The following PTPRG variants were observed in gnomAD, a reference collection of about 807,000 sequenced individuals.
PTPRG encodes receptor-type tyrosine-protein phosphatase gamma.
A neutral mutation model predicts 165.3 loss-of-function variants in PTPRG; 102 were observed. The ratio of observed to expected loss-of-function variants is 0.62; its 90% CI spans 0.53 to 0.73. The LOEUF (loss-of-function observed/expected upper bound fraction) is 0.73, where lower values mean the gene tolerates loss of function less well. Among genes scored for constraint, PTPRG ranks in the 30% least tolerant of loss-of-function variants. The probability of loss-of-function intolerance (pLI) is 0.00; values close to 1 mark genes in which losing one functional copy is unlikely to be tolerated. For missense variants in PTPRG, 1,866 were observed against 1,861.4 expected (o/e 1.00, Z -0.05); for synonymous variants, 675 against 669.5 (o/e 1.01, Z -0.13).
chr3:62,034,054 C>T (rs1423121157), intron 4 of PTPRG, among the ~76,000 whole-genome samples: 1 of 152,202 alleles, frequency 6.6e-6, no homozygotes, highest in Non-Finnish European at 1.5e-5. Context: ...GCATGAGCCA[C>T]TGAGCCCGGC....
chr3:61,758,585 G>A (rs1011638996), intron 2 of PTPRG, among the ~76,000 whole-genome samples: 5 of 152,074 alleles, frequency 3.3e-5, no homozygotes, highest in Non-Finnish European at 7.4e-5. Flanking sequence ...CTGAGTAGCT[G>A]GGACTACAGG....
At chr3:61,620,399 G>A (rs879775966) in intron 1 of PTPRG, among the ~76,000 whole-genome samples, 7 of 152,208 alleles carry the variant, frequency 4.6e-5, no homozygotes, top group Non-Finnish European at 8.8e-5. Context: ...TGAATTTGCA[G>A]AGGGAAAATG....
intron 2 of PTPRG, among the ~76,000 whole-genome samples, chr3:61,757,818 T>C (rs548867063): frequency 2.0e-5 from 3 of 152,200 alleles, no homozygotes; most frequent in Non-Finnish European, 4.4e-5. Context: ...AAAAGGACAA[T>C]GTTCTCTTCT....
chr3:62,255,687 T>C lies in PTPRG; in HGVS notation c.2559+472T>C, dbSNP rs932592039. ...TCTCGGATCCCCAGTTTTCCCATTT[T>C]TGAAAAATGGCACCAATGTCACCTA... On this transcript the variant is annotated intron_variant, in intron 16 of 29. Transcript: ENST00000474889. This position sits in a 1 kb window ranked among gnomAD's most constrained non-coding sequence, Gnocchi z 4.0. Among the ~76,000 whole-genome samples the C allele has an allele frequency of 5.9e-5, 9 of 152,168 alleles. No individual in the cohort carries two copies. The highest frequency in any genetic ancestry group is 1.9e-4 in the African/African-American group (8 of 41,442).
At chr3:61,784,544 C>G (rs893640868) in intron 2 of PTPRG, among the ~76,000 whole-genome samples, 4 of 152,130 alleles carry the variant, frequency 2.6e-5, no homozygotes, top group Non-Finnish European at 4.4e-5. Context: ...CAGCTGACAT[C>G]TGTGTTTCAC....
intron 4 of PTPRG, among the ~76,000 whole-genome samples, chr3:62,036,987 A>ACACACACG (rs1388438900): frequency 2.6e-5 from 3 of 114,804 alleles, no homozygotes; most frequent in African/African-American, 9.9e-5. Context: ...GCGCACGCAC[A>ACACACACG]CACACACACA....
intron 28 of PTPRG, among the ~76,000 whole-genome samples, chr3:62,285,527 G>T (rs1054916049): frequency 2.2e-5 from 3 of 135,484 alleles, no homozygotes; most frequent in East Asian, 4.7e-4. Context: ...TGGTTGTTGG[G>T]GGGGGGGGGT....
intron 1 of PTPRG, among the ~76,000 whole-genome samples, chr3:61,680,512 A>AAC (rs1559554492): frequency 1.4e-5 from 2 of 146,756 alleles, no homozygotes; most frequent in Non-Finnish European, 3.0e-5. Context: ...AAAAAAAAAA[A>AAC]AAAAAACACA....
intron 2 of PTPRG, among the ~76,000 whole-genome samples, chr3:61,875,746 C>T (rs1051930571): frequency 3.9e-5 from 6 of 152,104 alleles, no homozygotes; most frequent in Admixed American, 2.6e-4. Context: ...CATCATTTCT[C>T]GCAGAGATGT....
intron 4 of PTPRG, among the ~76,000 whole-genome samples, chr3:62,028,175 C>G (rs991918495): frequency 2.6e-5 from 4 of 152,118 alleles, no homozygotes; most frequent in African/African-American, 7.2e-5. Context: ...AAAGGAGAGC[C>G]ACTTTTAAAG....
intron 2 of PTPRG, among the ~76,000 whole-genome samples, chr3:61,881,608 G>T (rs1225371727): frequency 6.6e-6 from 1 of 152,192 alleles, no homozygotes; most frequent in East Asian, 1.9e-4. Context: ...GTAATACAGT[G>T]AATGTGATAA....
At chr3:62,107,358 C>T (rs534184987) in intron 5 of PTPRG, among the ~76,000 whole-genome samples, 1 of 152,292 alleles carries the variant, frequency 6.6e-6, no homozygotes, top group Non-Finnish European at 1.5e-5. Flanking sequence ...AGCTTCTGGG[C>T]TATTAAAGAT....
chr3:62,198,837 T>G (rs1303250164), intron 10 of PTPRG, among the ~76,000 whole-genome samples: 1 of 152,216 alleles, frequency 6.6e-6, no homozygotes, highest in Non-Finnish European at 1.5e-5. Flanking sequence ...GTCCTGCGAA[T>G]GCAGTTGAGA....
At chr3:62,157,358 C>G (rs775905955) in intron 7 of PTPRG, 134 bp downstream of exon 7, 10 of 930,576 alleles carry the variant, frequency 1.1e-5, no homozygotes, top group Non-Finnish European at 1.5e-5. Flanking sequence ...TGCAGTCTTT[C>G]CCACAAACAT....
At chr3:62,207,093 G>A (rs1330489592) in intron 12 of PTPRG, among the ~76,000 whole-genome samples, 2 of 152,074 alleles carry the variant, frequency 1.3e-5, no homozygotes, top group African/African-American at 4.8e-5. Flanking sequence ...GATTGTTTAA[G>A]CCAGATATAA....
intron 16 of PTPRG, among the ~76,000 whole-genome samples, chr3:62,258,373 G>C (rs1701598687): frequency 1.3e-5 from 2 of 152,172 alleles, no homozygotes; most frequent in South Asian, 4.1e-4. Context: ...CCCTCAAAGA[G>C]TTCAATCTGG....
At chr3:61,688,179 T>C (rs1703702084) in intron 1 of PTPRG, among the ~76,000 whole-genome samples, 2 of 152,148 alleles carry the variant, frequency 1.3e-5, no homozygotes, top group African/African-American at 4.8e-5. Context: ...CAGAGAGACA[T>C]TTCCTGGACT....
At chr3:62,095,321 A>G (rs1287907938) in intron 5 of PTPRG, among the ~76,000 whole-genome samples, 1 of 152,106 alleles carries the variant, frequency 6.6e-6, no homozygotes, top group Non-Finnish European at 1.5e-5. Flanking sequence ...CTACAAGGAG[A>G]TTTTTGTGAG....
chr3:62,024,182 C>A (rs929622272), intron 4 of PTPRG, among the ~76,000 whole-genome samples: 27 of 152,026 alleles, frequency 1.8e-4, no homozygotes, highest in Non-Finnish European at 3.1e-4. Flanking sequence ...ATGTCTAAAT[C>A]AAGGTAATTA....
Sources: allele counts gnomAD v4.1 joint callset (sites outside exome capture counted in the v4.1 genomes callset), GRCh38; gene constraint gnomAD v4.1.1; non-coding constraint Gnocchi (gnomAD v3.1); transcripts MANE v1.5; gene names NCBI Gene and HGNC (gene_info 2026-07-23, HGNC 2026-07-21).